Variants in GATAD2B observed in about 807,000 individuals in gnomAD.
GATAD2B encodes the protein GATA zinc finger domain containing 2B.
Under a neutral mutation model 64.3 loss-of-function variants are expected in GATAD2B, and 8 were observed. The observed-to-expected ratio is 0.12, with a 90% CI of 0.07 to 0.22. GATAD2B has a LOEUF of 0.22. Among genes scored for constraint, GATAD2B ranks in the 10% least tolerant of loss-of-function variants. GATAD2B has a pLI of 1.00. For synonymous variants in GATAD2B, 281 were observed against 271.3 expected (o/e 1.04, Z -0.35); for missense variants, 453 against 752.0 (o/e 0.60, Z 4.65).
intron 1 of GATAD2B, among the ~76,000 whole-genome samples, chr1:153,865,078 T>C (rs1352849834): frequency 1.4e-5 from 2 of 147,926 alleles, no homozygotes; most frequent in Non-Finnish European, 3.0e-5. Context: ...TCAAAAAAAA[T>C]AGTATTATTT....
chr1:153,878,943 A>G (rs573060240), intron 1 of GATAD2B, among the ~76,000 whole-genome samples: 4 of 147,966 alleles, frequency 2.7e-5, no homozygotes, highest in East Asian at 2.0e-4. Flanking sequence ...ATGCCTGGCT[A>G]ATTTTTTTTT....
intron 1 of GATAD2B, among the ~76,000 whole-genome samples, chr1:153,834,895 G>C (rs1675215289): frequency 6.6e-6 from 1 of 152,008 alleles, no homozygotes; most frequent in Non-Finnish European, 1.5e-5. Context: ...TGAGACAGGA[G>C]GATCACTTGA....
At chr1:153,913,284 A>C (rs1290064615) in intron 1 of GATAD2B, among the ~76,000 whole-genome samples, 1 of 152,202 alleles carries the variant, frequency 6.6e-6, no homozygotes, top group Non-Finnish European at 1.5e-5. Context: ...AAACTTTTAA[A>C]GGACTGGAAA....
chr1:153,858,887 A>G (rs1283470686), intron 1 of GATAD2B, among the ~76,000 whole-genome samples: 2 of 152,118 alleles, frequency 1.3e-5, no homozygotes, highest in Middle Eastern at 3.2e-3. Flanking sequence ...ATGGTCAGGA[A>G]AGTCCTGTCA....
At chr1:153,907,146 G>C (rs1677968452) in intron 1 of GATAD2B, among the ~76,000 whole-genome samples, 1 of 152,090 alleles carries the variant, frequency 6.6e-6, no homozygotes, top group African/African-American at 2.4e-5. Context: ...TTCAATTCTG[G>C]ATATATATCC....
chr1:153,819,356 G>A (rs186687884), intron 3 of GATAD2B, among the ~76,000 whole-genome samples: 49 of 152,202 alleles, frequency 3.2e-4, no homozygotes, highest in Admixed American at 1.1e-3. Flanking sequence ...ATGAACTTTT[G>A]TTTTCATTTT....
chr1:153,840,021 A>AT (rs1675419187), intron 1 of GATAD2B, among the ~76,000 whole-genome samples: 1 of 145,564 alleles, frequency 6.9e-6, no homozygotes. Flanking sequence ...AAATGAAAAT[A>AT]CTTTCTTTTT....
chr1:153,811,006 C>G (rs1674274874), intron 10 of GATAD2B, among the ~76,000 whole-genome samples: 3 of 152,038 alleles, frequency 2.0e-5, no homozygotes, highest in Admixed American at 6.6e-5. Context: ...CTCAGGTAAT[C>G]CACTCGCTTT....
chr1:153,888,655 C>G (rs898137365), intron 1 of GATAD2B, among the ~76,000 whole-genome samples: 2 of 152,162 alleles, frequency 1.3e-5, no homozygotes, highest in Admixed American at 6.6e-5. Flanking sequence ...GTGCCACAGA[C>G]GAAAGAGAAA....
At chr1:153,904,255 G>A (rs2101962867) in intron 1 of GATAD2B, among the ~76,000 whole-genome samples, 1 of 151,654 alleles carries the variant, frequency 6.6e-6, no homozygotes. Flanking sequence ...ACTCCAGCCT[G>A]GGTGAAACAC....
chr1:153,812,808 T>C (rs967407318), intron 8 of GATAD2B, among the ~76,000 whole-genome samples: 2 of 152,208 alleles, frequency 1.3e-5, no homozygotes, highest in Non-Finnish European at 2.9e-5. Flanking sequence ...TCTCATCCTA[T>C]AACTGCTACA....
intron 1 of GATAD2B, among the ~76,000 whole-genome samples, chr1:153,829,605 C>T (rs1466764493): frequency 1.3e-5 from 2 of 151,730 alleles, no homozygotes; most frequent in African/African-American, 2.4e-5. Flanking sequence ...GGCGTGGTGG[C>T]GGGCGCCTGT....
At chr1:153,852,709 G>A (rs945664061) in intron 1 of GATAD2B, 2 of 929,174 alleles carry the variant, frequency 2.2e-6, no homozygotes, top group Non-Finnish European at 3.6e-6. Flanking sequence ...CTGAGAGCCT[G>A]CTCATACGAA....
chr1:153,895,145 C>T (rs1157944999), intron 1 of GATAD2B, among the ~76,000 whole-genome samples: 1 of 151,476 alleles, frequency 6.6e-6, no homozygotes, highest in Non-Finnish European at 1.5e-5. Flanking sequence ...GCAACAAGAG[C>T]GAAGCTCCGT....
At chr1:153,863,866 C>T (rs1343539987) in intron 1 of GATAD2B, among the ~76,000 whole-genome samples, 1 of 152,108 alleles carries the variant, frequency 6.6e-6, no homozygotes, top group Non-Finnish European at 1.5e-5. Context: ...CCTTGTGATC[C>T]ACCTGCCTCG....
At chr1:153,819,038 T>C (rs1674581727) in intron 3 of GATAD2B, 116 bp from the exon 4 acceptor site, 1 of 1,027,736 alleles carries the variant, frequency 9.7e-7, no homozygotes, top group Non-Finnish European at 1.4e-6. Flanking sequence ...GAAGCAGAAG[T>C]GGCAATAGGA....
At chr1:153,878,297 C>T (rs1056392502) in intron 1 of GATAD2B, among the ~76,000 whole-genome samples, 26 of 151,612 alleles carry the variant, frequency 1.7e-4, no homozygotes, top group Non-Finnish European at 3.4e-4. Context: ...GCACATGCCA[C>T]GACTAATTTT....
chr1:153,819,295 G>C (rs530536819), intron 3 of GATAD2B, among the ~76,000 whole-genome samples: 6 of 152,224 alleles, frequency 3.9e-5, no homozygotes, highest in Non-Finnish European at 8.8e-5. Context: ...ACTTAGGTTA[G>C]AGTGCAGAAA....
At chr1:153,868,276 T>C (rs992655918) in intron 1 of GATAD2B, among the ~76,000 whole-genome samples, 4 of 152,164 alleles carry the variant, frequency 2.6e-5, no homozygotes, top group African/African-American at 9.7e-5. Flanking sequence ...ACCCATTCCA[T>C]GTTAACATAA....
Sources: gnomAD v4.1 joint callset for allele counts (sites outside exome capture counted in the v4.1 genomes callset) on GRCh38, gnomAD v4.1.1 for gene constraint, MANE v1.5 for transcripts, NCBI Gene and HGNC (gene_info 2026-07-23, HGNC 2026-07-21) for gene names.